The following MME variants were observed in gnomAD, a reference collection of about 807,000 sequenced individuals.
The protein encoded by MME is membrane metalloendopeptidase, also known as neprilysin.
In MME, 98 loss-of-function variants were observed where a neutral mutation model predicts 113.2. That is an observed-to-expected ratio of 0.87 (90% CI 0.74 to 1.02). The LOEUF (loss-of-function observed/expected upper bound fraction) is 1.02, where lower values mean the gene tolerates loss of function less well. Among genes scored for constraint, MME ranks in the 50% least tolerant of loss-of-function variants. The pLI, the probability that MME is intolerant of heterozygous loss-of-function variation, is 0.00. For missense variants in MME, 836 were observed against 896.0 expected (o/e 0.93, Z 0.86); for synonymous variants, 292 against 300.6 (o/e 0.97, Z 0.30).
intron 1 of MME, among the ~76,000 whole-genome samples, chr3:155,044,125 CTTT>C (rs5853709): frequency 3.7e-3 from 330 of 89,176 alleles, no homozygotes; most frequent in African/African-American, 0.012. Context: ...CTTCCTTTTT[CTTT>C]TTTTTTTTTT....
intron 1 of MME, among the ~76,000 whole-genome samples, chr3:155,052,133 A>C (rs1713784205): frequency 6.6e-6 from 1 of 152,198 alleles, no homozygotes; most frequent in Admixed American, 6.5e-5. Flanking sequence ...GGGCTTCCAC[A>C]GCCCTGGTCA....
chr3:155,115,233 T>G, intron 4 of MME, 78 bp downstream of exon 4: 6 of 1,527,460 alleles, frequency 3.9e-6, no homozygotes, highest in Non-Finnish European at 5.4e-6. Flanking sequence ...TTGTTAGCCA[T>G]TACAAGGAAT....
In MME at chr3:155,084,200, T is replaced by C; in HGVS notation, c.33T>C (p.Thr11=). The C allele has an allele frequency of 6.2e-7, 1 of 1,614,164 alleles. No individual in the cohort carries two copies. Among genetic ancestry groups the C allele is most frequent in the Non-Finnish European group, 8.5e-7 (1 of 1,180,004 alleles). The change falls in exon 2 of 23, where the codon ACT becomes ACC. Residue 11 remains threonine, a synonymous_variant. Transcript: ENST00000360490. The stretch of plus-strand genomic sequence containing the variant: ...AGTCAGAAAGTCAGATGGATATAAC[T>C]GATATCAACACTCCAAAGCCAAAGA... The part of the protein sequence containing the change: MGKSESQMDI[T]DINTPKPKKK...
intron 1 of MME, among the ~76,000 whole-genome samples, chr3:155,069,986 G>A (rs965913977): frequency 9.2e-5 from 14 of 152,068 alleles, no homozygotes; most frequent in Non-Finnish European, 1.5e-5. Context: ...TTTTCCTTTT[G>A]GAATGTAACT....
intron 1 of MME, among the ~76,000 whole-genome samples, chr3:155,049,653 ATC>A (rs1559892433): frequency 2.0e-5 from 3 of 151,792 alleles, no homozygotes; most frequent in African/African-American, 4.8e-5. Context: ...CTATCTATCT[ATC>A]TATCTATCTA....
At chr3:155,110,944 T>C (rs1258970347) in intron 3 of MME, among the ~76,000 whole-genome samples, 2 of 152,216 alleles carry the variant, frequency 1.3e-5, no homozygotes, top group Non-Finnish European at 2.9e-5. Flanking sequence ...TACTACATTA[T>C]TTTTTATATC....
chr3:155,127,466 C>T (rs992699817), intron 8 of MME, among the ~76,000 whole-genome samples: 1 of 152,178 alleles, frequency 6.6e-6, no homozygotes, highest in Non-Finnish European at 1.5e-5. Flanking sequence ...GCATACATTC[C>T]GTTGCTTAAA....
chr3:155,148,788 A>G, intron 16 of MME, 135 bp downstream of exon 16: 1 of 687,828 alleles, frequency 1.5e-6, no homozygotes, highest in East Asian at 2.7e-5. Context: ...GAGAACTTCT[A>G]AAAGCATCTA....
At chr3:155,176,809 G>A (rs1402766290) in intron 22 of MME, among the ~76,000 whole-genome samples, 1 of 152,160 alleles carries the variant, frequency 6.6e-6, no homozygotes, top group African/African-American at 2.4e-5. Flanking sequence ...CTGAGTGACA[G>A]AGCGAGACCC....
chr3:155,145,426 T>C (rs1559948870), intron 14 of MME, among the ~76,000 whole-genome samples: 3 of 152,084 alleles, frequency 2.0e-5, no homozygotes, highest in Non-Finnish European at 4.4e-5. Flanking sequence ...TCCTAGGGTG[T>C]GATTTTATTA....
intron 8 of MME, among the ~76,000 whole-genome samples, chr3:155,136,484 T>G (rs1252254067): frequency 6.6e-6 from 1 of 152,170 alleles, no homozygotes; most frequent in African/African-American, 2.4e-5. Flanking sequence ...AATTGTTCTA[T>G]TGAGTAGCAA....
chr3:155,172,694 C>A, intron 22 of MME, 82 bp downstream of exon 22: 1 of 1,022,954 alleles, frequency 9.8e-7, no homozygotes, highest in Non-Finnish European at 1.5e-6. Flanking sequence ...TTTTCTAACT[C>A]TGATTCTTTT....
chr3:155,041,753 T>G (rs1010591580), intron 1 of MME, among the ~76,000 whole-genome samples: 1 of 152,148 alleles, frequency 6.6e-6, no homozygotes, highest in Non-Finnish European at 1.5e-5. Flanking sequence ...GGAGTTCAAT[T>G]TTAATAGAAG....
At chr3:155,090,198 C>T (rs1716168400) in intron 3 of MME, 1 of 153,406 alleles carries the variant, frequency 6.5e-6, no homozygotes, top group South Asian at 2.0e-4. Flanking sequence ...AAACACCTCT[C>T]AGAACTGTCC....
At chr3:155,027,591 T>C (rs1285443754) in intron 1 of MME, among the ~76,000 whole-genome samples, 1 of 152,266 alleles carries the variant, frequency 6.6e-6, no homozygotes, top group Non-Finnish European at 1.5e-5. Context: ...TGAAAACCTC[T>C]ATTCAATCTT....
chr3:155,029,666 T>G (rs1330347926), intron 1 of MME, among the ~76,000 whole-genome samples: 1 of 152,072 alleles, frequency 6.6e-6, no homozygotes, highest in Non-Finnish European at 1.5e-5. Context: ...CCTGGCAAAA[T>G]GTATGAATTA....
chr3:155,168,791 A>T lies in MME; in HGVS notation c.1974A>T (p.Ala658=). 1 of 1,610,348 alleles carries T rather than the reference A, an allele frequency of 6.2e-7. No homozygotes were observed. The highest frequency in any genetic ancestry group is 1.1e-5 in the South Asian group (1 of 90,988). The change falls in exon 20 of 23, where the codon GCA becomes GCT. Residue 658 remains alanine (A), a synonymous_variant. Transcript: ENST00000360490. The part of the protein sequence containing the change: ...NIADNGGLGQ[A]YRAYQNYIKK... ...CTGATAATGGAGGTCTTGGTCAAGCATACAGAGTAAGTAAAAAAGATTTTC... is the reference window on the plus strand; with the variant it reads ...CTGATAATGGAGGTCTTGGTCAAGCTTACAGAGTAAGTAAAAAAGATTTTC...
At chr3:155,049,403 G>T (rs991802785) in intron 1 of MME, among the ~76,000 whole-genome samples, 10 of 152,134 alleles carry the variant, frequency 6.6e-5, no homozygotes, top group Admixed American at 5.2e-4. Flanking sequence ...GCCAAGGATT[G>T]CCAGAAACCA....
chr3:155,050,349 C>A (rs537059174), intron 1 of MME, among the ~76,000 whole-genome samples: 9 of 152,180 alleles, frequency 5.9e-5, no homozygotes, highest in Non-Finnish European at 1.3e-4. Flanking sequence ...GTTATATACC[C>A]AATAATGGGA....
Sources: gnomAD v4.1 joint callset for allele counts (sites outside exome capture counted in the v4.1 genomes callset) on GRCh38, gnomAD v4.1.1 for gene constraint, MANE v1.5 for transcripts, NCBI Gene and HGNC (gene_info 2026-07-23, HGNC 2026-07-21) for gene names.